The following PCDH15 variants were observed in gnomAD, a reference collection of about 807,000 sequenced individuals.
PCDH15 encodes the protein protocadherin-15.
In PCDH15, 129 loss-of-function variants were observed where a neutral mutation model predicts 178.5. The ratio of observed to expected loss-of-function variants is 0.72; its 90% CI spans 0.63 to 0.84. PCDH15 has a LOEUF of 0.84. Ranked by LOEUF, PCDH15 falls within the 40% of genes least tolerant of loss-of-function variation. The probability of loss-of-function intolerance (pLI) is 0.00; values close to 1 mark genes in which losing one functional copy is unlikely to be tolerated. For synonymous variants in PCDH15, 800 were observed against 732.0 expected, an observed-to-expected ratio of 1.09 and a Z score of -1.50; for missense variants, 2,230 against 2,099.9, an observed-to-expected ratio of 1.06 and a Z score of -1.21.
chr10:54,503,573 C>G (rs1217229800), intron 3 of PCDH15, among the ~76,000 whole-genome samples: 1 of 151,202 alleles, frequency 6.6e-6, no homozygotes, highest in African/African-American at 2.4e-5. Context: ...CATAGCTGTA[C>G]TGAGGTGAAA....
In PCDH15 at chr10:55,210,407, T is replaced by C. The variant is rs1268833875; in HGVS notation, c.-155-43756A>G. Among the ~76,000 whole-genome samples the C allele has an allele frequency of 2.0e-5, 3 of 151,652 alleles. No individual in the cohort carries two copies. The East Asian group carries it at 5.8e-4, about 29-fold the overall frequency. On this transcript the variant is annotated intron_variant, in intron 1 of 5. Transcript: ENST00000458638. ...TTTGAAGAAAAGATCACTGAAGTAT[T>C]TGAGGAAAGTATAAGAGACCACAAC...
At chr10:55,068,759 T>G (rs2132009088) in intron 2 of PCDH15, among the ~76,000 whole-genome samples, 1 of 136,620 alleles carries the variant, frequency 7.3e-6, no homozygotes, top group East Asian at 2.4e-4. Context: ...CTCTTCACTT[T>G]CTTTCATCAT....
intron 5 of PCDH15, among the ~76,000 whole-genome samples, chr10:54,351,749 A>T (rs1342324564): frequency 2.6e-5 from 4 of 151,910 alleles, no homozygotes; most frequent in Non-Finnish European, 5.9e-5. Context: ...CTGTCAAAAA[A>T]CCCTGCCCAC....
At chr10:54,543,810 C>A (rs1304939648) in intron 2 of PCDH15, among the ~76,000 whole-genome samples, 2 of 152,158 alleles carry the variant, frequency 1.3e-5, no homozygotes, top group Non-Finnish European at 2.9e-5. Context: ...CAACTTGCAA[C>A]TCCAGGGCTA....
At chr10:54,504,038 A>T (rs1207979596) in intron 3 of PCDH15, among the ~76,000 whole-genome samples, 1 of 152,104 alleles carries the variant, frequency 6.6e-6, no homozygotes, top group Non-Finnish European at 1.5e-5. Context: ...CTTAGCTAAC[A>T]TCACGTTTCT....
At chr10:54,253,703 T>C (rs2056682899) in intron 8 of PCDH15, among the ~76,000 whole-genome samples, 3 of 152,070 alleles carry the variant, frequency 2.0e-5, no homozygotes, top group Admixed American at 6.6e-5. Context: ...AAAATAATTT[T>C]GTCACCTTAC....
At chr10:55,169,994 A>C (rs1254119096) in intron 1 of PCDH15, among the ~76,000 whole-genome samples, 1 of 152,020 alleles carries the variant, frequency 6.6e-6, no homozygotes, top group African/African-American at 2.4e-5. Context: ...AAAGGAAGGA[A>C]GGAAGGAAGG....
At chr10:54,898,067 G>C (rs908201139) in intron 2 of PCDH15, among the ~76,000 whole-genome samples, 3 of 152,102 alleles carry the variant, frequency 2.0e-5, no homozygotes, top group Non-Finnish European at 2.9e-5. Flanking sequence ...CTCATGGCCT[G>C]GTGCTGTCCT....
intron 27 of PCDH15, among the ~76,000 whole-genome samples, chr10:53,863,103 T>C (rs1436394649): frequency 6.6e-6 from 1 of 152,228 alleles, no homozygotes; most frequent in Admixed American, 6.5e-5. Context: ...GTGGAATTGC[T>C]ACATGTACAG....
intron 4 of PCDH15, among the ~76,000 whole-genome samples, chr10:54,372,691 T>G (rs1446909318): frequency 6.6e-6 from 1 of 151,746 alleles, no homozygotes; most frequent in East Asian, 1.9e-4. Flanking sequence ...CCTTTTCTAA[T>G]TTTCTTTAAT....
At chr10:54,156,820 T>C (rs1342014330) in intron 13 of PCDH15, among the ~76,000 whole-genome samples, 1 of 152,194 alleles carries the variant, frequency 6.6e-6, no homozygotes, top group African/African-American at 2.4e-5. Flanking sequence ...GATACAGGCA[T>C]TGGGTAAATA....
chr10:54,795,735 C>T (rs373136066), intron 1 of PCDH15, among the ~76,000 whole-genome samples: 56 of 151,914 alleles, frequency 3.7e-4, no homozygotes, highest in African/African-American at 1.0e-3. Flanking sequence ...GCAACTATAG[C>T]TTATCAATAT....
intron 1 of PCDH15, among the ~76,000 whole-genome samples, chr10:54,738,619 C>T (rs1276500006): frequency 6.6e-6 from 1 of 151,896 alleles, no homozygotes; most frequent in African/African-American, 2.4e-5. Context: ...TAACTATAAT[C>T]CAATATCTCT....
At chr10:55,376,556 C>G (rs1379961888) in intron 2 of PCDH15, among the ~76,000 whole-genome samples, 1 of 151,972 alleles carries the variant, frequency 6.6e-6, no homozygotes, top group Non-Finnish European at 1.5e-5. Context: ...TCCAGAGACT[C>G]CCATTTTTAG....
At chr10:53,893,116 C>A (rs1298259682) in intron 26 of PCDH15, among the ~76,000 whole-genome samples, 1 of 149,362 alleles carries the variant, frequency 6.7e-6, no homozygotes, top group Non-Finnish European at 1.5e-5. Flanking sequence ...TGGAAAAAAA[C>A]AAAAGGAAAA....
intron 1 of PCDH15, among the ~76,000 whole-genome samples, chr10:54,712,982 C>A (rs552073476): frequency 1.3e-5 from 2 of 151,962 alleles, no homozygotes; most frequent in African/African-American, 2.4e-5. Context: ...ATGAAAATTA[C>A]GAAGATAGCT....
intron 2 of PCDH15, among the ~76,000 whole-genome samples, chr10:55,367,918 C>A: frequency 6.6e-6 from 1 of 152,214 alleles, no homozygotes; most frequent in East Asian, 1.9e-4. Context: ...CTACTTATTT[C>A]TTCCAAATAC....
chr10:55,284,215 G>T (rs944010973), intron 1 of PCDH15, among the ~76,000 whole-genome samples: 1 of 146,890 alleles, frequency 6.8e-6, no homozygotes, highest in South Asian at 2.1e-4. Context: ...TGAGGTTAAA[G>T]GTCTTCAGAG....
Position 54,346,493 on chromosome 10 carries a change from A to T in PCDH15, c.475-9T>A. 6.2e-7 allele frequency: 1 copy of T among 1,613,156 alleles called. No individual in the cohort carries two copies. The highest frequency in any genetic ancestry group is 8.5e-7 in the Non-Finnish European group (1 of 1,179,734). On this transcript the variant is annotated splice_polypyrimidine_tract_variant and intron_variant, in intron 5 of 37. Coordinates refer to ENST00000644397, the MANE Select transcript of PCDH15 (RefSeq NM_001384140.1). ...GTACCAACTGGAGTGAGCTGAAAGGAAAAAAGATTTTAAATATCAATTTTC... is the reference window on the plus strand; with the variant it reads ...GTACCAACTGGAGTGAGCTGAAAGGTAAAAAGATTTTAAATATCAATTTTC...
Sources: allele counts gnomAD v4.1 joint callset (sites outside exome capture counted in the v4.1 genomes callset), GRCh38; gene constraint gnomAD v4.1.1; transcripts MANE v1.5; gene names NCBI Gene and HGNC (gene_info 2026-07-23, HGNC 2026-07-21).